Variants in FAM117B observed in about 807,000 individuals in gnomAD.
The protein encoded by FAM117B is family with sequence similarity 117 member B.
A neutral mutation model predicts 52.8 loss-of-function variants in FAM117B; 22 were observed. The ratio of observed to expected loss-of-function variants is 0.42; its 90% CI spans 0.30 to 0.59. The LOEUF is 0.59. Ranked by LOEUF, FAM117B falls within the 20% of genes least tolerant of loss-of-function variation. The pLI, the probability that FAM117B is intolerant of heterozygous loss-of-function variation, is 0.22. For synonymous variants in FAM117B, 309 were observed against 324.1 expected, an observed-to-expected ratio of 0.95 and a Z score of 0.50; for missense variants, 678 against 802.6, an observed-to-expected ratio of 0.84 and a Z score of 1.88.
At chr2:202,662,126 G>GTGTGTGTGTGTGTGTATGTGTGTA (rs1690139218) in intron 1 of FAM117B, among the ~76,000 whole-genome samples, 3 of 151,622 alleles carry the variant, frequency 2.0e-5, no homozygotes, top group Admixed American at 2.0e-4. Flanking sequence ...GTAGGTGTGT[G>GTGTGTGTGTGTGTGTATGTGTGTA]TGTGTGTGTG....
intron 1 of FAM117B, among the ~76,000 whole-genome samples, chr2:202,658,718 A>G (rs1004031789): frequency 6.6e-6 from 1 of 152,210 alleles, no homozygotes; most frequent in African/African-American, 2.4e-5. Context: ...CTGATGAGAC[A>G]TCTATAATCA....
intron 2 of FAM117B, among the ~76,000 whole-genome samples, chr2:202,724,529 G>A (rs544423343): frequency 3.9e-5 from 6 of 152,164 alleles, no homozygotes; most frequent in Admixed American, 3.3e-4. Flanking sequence ...TAGCACATAA[G>A]AGCACAAGAA....
At chr2:202,654,944 T>G (rs1207902557) in intron 1 of FAM117B, among the ~76,000 whole-genome samples, 2 of 151,906 alleles carry the variant, frequency 1.3e-5, no homozygotes, top group African/African-American at 4.8e-5. Context: ...TATATATATA[T>G]ATTCTCTTTA....
rs199855927 is a variant in FAM117B, at chr2:202,691,649, T to TTGTGTG, written c.602-4187_602-4182dup. 4.6e-3 allele frequency among the ~76,000 whole-genome samples: 588 copies of TTGTGTG among 126,818 alleles called. 6 individuals are homozygous for TTGTGTG. The highest frequency in any genetic ancestry group is 6.2e-3 in the African/African-American group (215 of 34,612). 83.2% of individuals were successfully genotyped at this position (126,818 alleles called of 152,430 possible). A position where few individuals can be genotyped will look rare whatever the true frequency, so the allele number is the denominator to read the frequency against. ...TATAATGCATATATACCAGTTTACATTGTGTGTGTGTGTGTGTGTGTGTGT... is the reference window on the plus strand; with the variant it reads ...TATAATGCATATATACCAGTTTACATTGTGTGTGTGTGTGTGTGTGTGTGTGTGTGT... On this transcript the variant is annotated intron_variant, in intron 1 of 7. Coordinates refer to ENST00000392238, the MANE Select transcript of FAM117B (RefSeq NM_173511.4).
chr2:202,707,735 A>G (rs899683446), intron 2 of FAM117B, among the ~76,000 whole-genome samples: 2 of 151,758 alleles, frequency 1.3e-5, no homozygotes, highest in African/African-American at 4.8e-5. Flanking sequence ...CCATCAATCA[A>G]TCAATAAAAC....
chr2:202,703,477 C>T (rs757019413), intron 2 of FAM117B, among the ~76,000 whole-genome samples: 3 of 152,194 alleles, frequency 2.0e-5, no homozygotes, highest in Non-Finnish European at 4.4e-5. Flanking sequence ...TGCCCAGCCT[C>T]CTGATTAGCT....
At chr2:202,661,257 G>T (rs1177055525) in intron 1 of FAM117B, among the ~76,000 whole-genome samples, 2 of 152,142 alleles carry the variant, frequency 1.3e-5, no homozygotes, top group Non-Finnish European at 2.9e-5. Flanking sequence ...AAGTGTGTTA[G>T]TTCATCTTAG....
rs773842294 is a variant in FAM117B, at chr2:202,757,295, C to T, written c.1187C>T (p.Thr396Met). The change falls in exon 6 of 8, where the codon ACG becomes ATG. Residue 396 changes from threonine to methionine, a missense_variant. Coordinates refer to ENST00000392238, the MANE Select transcript of FAM117B (RefSeq NM_173511.4). ...SSSTRSIDTQ[T>M]PGGADRGSNN... The stretch of plus-strand genomic sequence containing the variant: ...AGCACGCGCAGCATTGACACACAGA[C>T]GCCTGGTGGGGCAGACAGGGGAAGC... 28 of 1,614,026 alleles carry T rather than the reference C, an allele frequency of 1.7e-5. No individual in the cohort carries two copies. In the Admixed American group the frequency reaches 1.8e-4, roughly 11 times the overall value.
At position 202,666,519 on chromosome 2, in the gene FAM117B, C is replaced by G. The variant is rs546588776; in HGVS notation, c.602-29362C>G. Among the ~76,000 whole-genome samples the G allele has an allele frequency of 2.0e-5, 3 of 151,770 alleles. No individual in the cohort carries two copies. In the South Asian group the frequency reaches 6.3e-4, roughly 32 times the overall value. On this transcript the variant is annotated intron_variant, in intron 1 of 7. Coordinates refer to ENST00000392238, the MANE Select transcript of FAM117B (RefSeq NM_173511.4). ...CATTTTTTTTTAAATTGTATCTGAGCATGTACTATGTATGTTTATATTTTG... is the reference window on the plus strand; with the variant it reads ...CATTTTTTTTTAAATTGTATCTGAGGATGTACTATGTATGTTTATATTTTG...
intron 4 of FAM117B, among the ~76,000 whole-genome samples, chr2:202,738,702 T>C (rs1691478194): frequency 6.6e-6 from 1 of 152,184 alleles, no homozygotes; most frequent in South Asian, 2.1e-4. Context: ...TGACCCTAGA[T>C]TATTAGCTTC....
Position 202,635,145 on chromosome 2 carries a change from CA to C in FAM117B, c.-39del, listed in dbSNP as rs2105748342. On this transcript the variant is annotated 5_prime_UTR_variant, in exon 1 of 8. Transcript: ENST00000392238. ...TCCTCCCCCTGCAGCCCAACAACAA[CA>C]AAACCCCCCGTCTCGCCCAGTCACC... The C allele has an allele frequency of 8.0e-7, 1 of 1,254,612 alleles. No homozygotes were observed. 77.7% of individuals were successfully genotyped at this position (1,254,612 alleles called of 1,614,324 possible).
In FAM117B at chr2:202,765,854, G is replaced by C; in HGVS notation, c.*90G>C. 7.5e-7 allele frequency: 1 copy of C among 1,333,106 alleles called. No individual in the cohort carries two copies. Among genetic ancestry groups the C allele is most frequent in the African/African-American group, 1.5e-5 (1 of 68,566 alleles). 82.6% of individuals were successfully genotyped at this position (1,333,106 alleles called of 1,614,324 possible). On this transcript the variant is annotated 3_prime_UTR_variant, in exon 8 of 8. Coordinates refer to ENST00000392238, the MANE Select transcript of FAM117B (RefSeq NM_173511.4). The stretch of plus-strand genomic sequence containing the variant: ...TGGCATCGTGCGCTTCTGGTCGGCT[G>C]TGATGTGCTCCAGCTTTCCAGTGAC...
intron 2 of FAM117B, among the ~76,000 whole-genome samples, chr2:202,721,139 A>C (rs1205059288): frequency 2.0e-5 from 3 of 150,630 alleles, no homozygotes; most frequent in Non-Finnish European, 4.4e-5. Context: ...GTATAAACCA[A>C]CTTTTTTTTT....
At chr2:202,731,367 A>ATATATATATATATG (rs1167685449) in intron 4 of FAM117B, among the ~76,000 whole-genome samples, 5 of 136,920 alleles carry the variant, frequency 3.7e-5, no homozygotes, top group Non-Finnish European at 6.3e-5. Flanking sequence ...ATATATATAT[A>ATATATATATATATG]TGGAGAGAGA....
chr2:202,692,354 A>G (rs886498521), intron 1 of FAM117B, among the ~76,000 whole-genome samples: 2 of 152,220 alleles, frequency 1.3e-5, no homozygotes, highest in African/African-American at 4.8e-5. Flanking sequence ...AAACCAAGAC[A>G]TAAAGACATG....
chr2:202,683,678 A>C (rs1410731773), intron 1 of FAM117B, among the ~76,000 whole-genome samples: 21 of 152,202 alleles, frequency 1.4e-4, no homozygotes, highest in Non-Finnish European at 1.5e-5. Context: ...AAATATTCCC[A>C]AAATGAAAAC....
rs572057907 is a variant in FAM117B at position 202,742,659 on chromosome 2, T to A, written c.961-12879T>A. Among the ~76,000 whole-genome samples, 5 of 152,220 alleles carry A rather than the reference T, an allele frequency of 3.3e-5. No homozygotes were observed. In the South Asian group the frequency reaches 6.2e-4, roughly 19 times the overall value. Reference sequence around the variant, plus strand: ...CTCAAAATTCATAATCAACAAAAGGTTGATAAGTTTAATTATATAAACATT... The same window carrying A: ...CTCAAAATTCATAATCAACAAAAGGATGATAAGTTTAATTATATAAACATT... On this transcript the variant is annotated intron_variant, in intron 4 of 7. Transcript: ENST00000392238.
intron 4 of FAM117B, among the ~76,000 whole-genome samples, chr2:202,736,704 G>T (rs1691443689): frequency 6.6e-6 from 1 of 152,140 alleles, no homozygotes; most frequent in Admixed American, 6.5e-5. Context: ...CAAGGCTGCA[G>T]TGAGCCGTTA....
intron 1 of FAM117B, among the ~76,000 whole-genome samples, chr2:202,655,792 CTAGTT>C (rs1047912290): frequency 2.9e-5 from 4 of 139,624 alleles, no homozygotes; most frequent in Admixed American, 7.4e-5. Context: ...GTGTTGAAGA[CTAGTT>C]TAGTGTGGTA....
Sources: gnomAD v4.1 joint callset for allele counts (sites outside exome capture counted in the v4.1 genomes callset) on GRCh38, gnomAD v4.1.1 for gene constraint, MANE v1.5 for transcripts, NCBI Gene and HGNC (gene_info 2026-07-23, HGNC 2026-07-21) for gene names.